The following TENM3 variants were observed in gnomAD, a reference collection of about 807,000 sequenced individuals.
The protein encoded by TENM3 is teneurin-3.
TENM3 carries 63 observed loss-of-function variants against 255.1 expected under a neutral mutation model. The observed-to-expected ratio is 0.25, with a 90% CI of 0.20 to 0.30. The LOEUF is 0.30. Among genes scored for constraint, TENM3 ranks in the 10% least tolerant of loss-of-function variants. The pLI, the probability that TENM3 is intolerant of heterozygous loss-of-function variation, is 1.00. For missense variants in TENM3, 2,929 were observed against 3,461.1 expected (o/e 0.85, Z 3.86); for synonymous variants, 1,306 against 1,322.3 (o/e 0.99, Z 0.27).
At position 182,448,732 on chromosome 4, in the gene TENM3, C is replaced by T. The variant is rs184511062; in HGVS notation, c.511+101803C>T. Among the ~76,000 whole-genome samples, 552 of 152,120 alleles carry T rather than the reference C, an allele frequency of 3.6e-3. 11 individuals are homozygous for T. Among genetic ancestry groups the T allele is most frequent in the Middle Eastern group, 0.014 (4 of 292 alleles). ...TCGGAGGGTGCCGGGAGCGGGTTCT[C>T]AGTGCAGTTCCCCCGTCTTCGCTGG... is the stretch of plus-strand genomic sequence containing the variant. On this transcript the variant is annotated intron_variant, in intron 3 of 27. Coordinates refer to ENST00000511685, the MANE Select transcript of TENM3 (RefSeq NM_001080477.4).
intron 1 of TENM3, among the ~76,000 whole-genome samples, chr4:182,248,991 A>G (rs970351782): frequency 6.6e-6 from 1 of 152,248 alleles, no homozygotes; most frequent in East Asian, 1.9e-4. Context: ...ACTATGTGCC[A>G]GACCCTCCTC....
chr4:181,565,142 T>C, the TENM3 span, among the ~76,000 whole-genome samples: 1 of 152,236 alleles, frequency 6.6e-6, no homozygotes, highest in Admixed American at 6.5e-5. Flanking sequence ...TCTGACATAG[T>C]TGATTTTTGT....
chr4:182,668,681 T>C (rs1754937433), intron 6 of TENM3, among the ~76,000 whole-genome samples: 1 of 152,208 alleles, frequency 6.6e-6, no homozygotes, highest in Admixed American at 6.5e-5. Context: ...GACACAACGA[T>C]GTATTCACAT....
At chr4:181,780,306 C>T in the TENM3 span, among the ~76,000 whole-genome samples, 3 of 152,062 alleles carry the variant, frequency 2.0e-5, no homozygotes, top group Non-Finnish European at 4.4e-5. Context: ...CTGTTGTTTC[C>T]TGACTTTTTA....
At chr4:181,628,342 A>G in the TENM3 span, among the ~76,000 whole-genome samples, 1 of 152,028 alleles carries the variant, frequency 6.6e-6, no homozygotes, top group African/African-American at 2.4e-5. Flanking sequence ...GTTTAATTAG[A>G]TCCCATTTGT....
chr4:182,592,477 G>A (rs149700106), intron 3 of TENM3, among the ~76,000 whole-genome samples: 50 of 152,278 alleles, frequency 3.3e-4, no homozygotes, highest in African/African-American at 1.0e-3. Flanking sequence ...TAATCCTAGC[G>A]CTTTGGGAGG....
chr4:181,752,168 A>G, the TENM3 span, among the ~76,000 whole-genome samples: 3 of 152,294 alleles, frequency 2.0e-5, no homozygotes, highest in East Asian at 5.8e-4. Flanking sequence ...GGTTCTCTCC[A>G]GCACCCCAGC....
At chr4:181,583,436 C>T in the TENM3 span, among the ~76,000 whole-genome samples, 12 of 152,210 alleles carry the variant, frequency 7.9e-5, no homozygotes, top group South Asian at 1.0e-3. Flanking sequence ...ACCTCTCATC[C>T]GGATACTTTT....
chr4:182,355,602 C>T (rs150738001), intron 3 of TENM3, among the ~76,000 whole-genome samples: 1 of 152,118 alleles, frequency 6.6e-6, no homozygotes, highest in African/African-American at 2.4e-5. Context: ...AACTTGGAAG[C>T]AAATTGGCCA....
intron 4 of TENM3, among the ~76,000 whole-genome samples, chr4:182,624,784 A>C (rs1348479602): frequency 1.3e-5 from 2 of 152,218 alleles, no homozygotes; most frequent in African/African-American, 4.8e-5. Flanking sequence ...GAGAGGATTG[A>C]GGCAGAGGAA....
At chr4:181,496,617 A>C in the TENM3 span, among the ~76,000 whole-genome samples, 2 of 152,236 alleles carry the variant, frequency 1.3e-5, no homozygotes, top group Admixed American at 1.3e-4. Flanking sequence ...ATCATAGTTT[A>C]TCTGAATTCA....
At chr4:181,721,675 G>A in the TENM3 span, among the ~76,000 whole-genome samples, 1 of 151,136 alleles carries the variant, frequency 6.6e-6, no homozygotes, top group Non-Finnish European at 1.5e-5. Context: ...AATGCAGCCA[G>A]GGAAGATGGA....
chr4:181,532,622 A>C, the TENM3 span, among the ~76,000 whole-genome samples: 3 of 152,196 alleles, frequency 2.0e-5, no homozygotes, highest in Non-Finnish European at 4.4e-5. Flanking sequence ...ACTTGTATCA[A>C]GTCTTTCTGA....
chr4:181,574,301 G>A, the TENM3 span, among the ~76,000 whole-genome samples: 4 of 152,062 alleles, frequency 2.6e-5, no homozygotes, highest in South Asian at 2.1e-4. Context: ...GGAGGCCGAG[G>A]CGGGTGGATC....
the TENM3 span, among the ~76,000 whole-genome samples, chr4:181,950,850 G>T: frequency 1.1e-4 from 17 of 152,242 alleles, no homozygotes; most frequent in Middle Eastern, 0.01. Context: ...AGACCAGCCT[G>T]GGCAACATAG....
At chr4:182,611,279 A>G (rs1748978081) in intron 4 of TENM3, among the ~76,000 whole-genome samples, 1 of 152,122 alleles carries the variant, frequency 6.6e-6, no homozygotes, top group Non-Finnish European at 1.5e-5. Context: ...GCAATTTACT[A>G]AGCTTGTGCC....
At chr4:181,609,088 GA>G in the TENM3 span, among the ~76,000 whole-genome samples, 1 of 152,020 alleles carries the variant, frequency 6.6e-6, no homozygotes, top group African/African-American at 2.4e-5. Flanking sequence ...CAGGAAAGGA[GA>G]AAGGAAGTAA....
the TENM3 span, among the ~76,000 whole-genome samples, chr4:181,794,230 C>G: frequency 6.6e-6 from 1 of 151,994 alleles, no homozygotes; most frequent in African/African-American, 2.4e-5. Flanking sequence ...CACAGTAAAA[C>G]TAATTAACAT....
chr4:181,664,417 C>T, the TENM3 span, among the ~76,000 whole-genome samples: 1 of 151,830 alleles, frequency 6.6e-6, no homozygotes, highest in East Asian at 1.9e-4. Flanking sequence ...TTGCAGTGGG[C>T]CCAGGTCGCA....
Sources: gnomAD v4.1 joint callset for allele counts (sites outside exome capture counted in the v4.1 genomes callset) on GRCh38, gnomAD v4.1.1 for gene constraint, MANE v1.5 for transcripts, NCBI Gene and HGNC (gene_info 2026-07-23, HGNC 2026-07-21) for gene names.